ARV1: variants seen among roughly 807,000 people sequenced by gnomAD.
ARV1 encodes protein ARV1.
ARV1 carries 26 observed loss-of-function variants against 31.1 expected under a neutral mutation model. The ratio of observed to expected loss-of-function variants is 0.84; its 90% CI spans 0.61 to 1.16. ARV1 has a LOEUF of 1.16. Among genes scored for constraint, ARV1 ranks in the 50% most tolerant of loss-of-function variants. ARV1 has a pLI of 0.00. For missense variants in ARV1, 281 were observed against 324.9 expected, an observed-to-expected ratio of 0.86 and a Z score of 1.04; for synonymous variants, 117 against 123.2, an observed-to-expected ratio of 0.95 and a Z score of 0.34.
At chr1:230,991,658 G>A (rs11122184) in intron 3 of ARV1, among the ~76,000 whole-genome samples, 14,319 of 146,370 alleles carry the variant, frequency 0.098, 718 homozygotes, top group Middle Eastern at 0.21. Context: ...TTGAGACGGA[G>A]TCTCACTCTG....
intron 5 of ARV1, among the ~76,000 whole-genome samples, chr1:230,999,115 G>GT (rs1679456057): frequency 1.3e-5 from 2 of 152,032 alleles, no homozygotes; most frequent in Admixed American, 6.6e-5. Flanking sequence ...CACTGTGCAC[G>GT]TAACTGTGTA....
chr1:230,988,574 T>G, intron 2 of ARV1, 135 bp downstream of exon 2: 1 of 687,866 alleles, frequency 1.5e-6, no homozygotes, highest in Non-Finnish European at 2.2e-6. Context: ...GGGTCTTTTA[T>G]TGCAACATAT....
chr1:230,985,034 C>T (rs893530633), intron 1 of ARV1, among the ~76,000 whole-genome samples: 3 of 152,092 alleles, frequency 2.0e-5, no homozygotes, highest in Non-Finnish European at 2.9e-5. Flanking sequence ...GGAGTTTGTC[C>T]GGCCTTCCCA....
chr1:230,984,562 A>G (rs1239800492), intron 1 of ARV1, among the ~76,000 whole-genome samples: 1 of 152,176 alleles, frequency 6.6e-6, no homozygotes, highest in East Asian at 1.9e-4. Flanking sequence ...ACGAATTAAG[A>G]GTCCTTTATT....
chr1:230,983,504 A>G (rs1176060539), intron 1 of ARV1, among the ~76,000 whole-genome samples: 1 of 152,176 alleles, frequency 6.6e-6, no homozygotes, highest in Admixed American at 6.5e-5. Flanking sequence ...TTATGTTAAC[A>G]AAACAAAACT....
At chr1:230,989,280 G>A (rs1442184551) in intron 2 of ARV1, among the ~76,000 whole-genome samples, 1 of 152,110 alleles carries the variant, frequency 6.6e-6, no homozygotes, top group East Asian at 1.9e-4. Context: ...TGGGATTACA[G>A]GCACGCATCA....
At position 230,986,668 on chromosome 1, in the gene ARV1, A is replaced by ATTTTTTTTTTTTTTTTTTTTTT. The variant is rs1162209283; in HGVS notation, c.175-1635_175-1614dup. The stretch of plus-strand genomic sequence containing the variant: ...CACCCACAAATGTAATACTTTTCCT[A>ATTTTTTTTTTTTTTTTTTTTTT]TTTTTTTTTTTTTTTTTTTTTTTTT... On this transcript the variant is annotated intron_variant, in intron 1 of 5. Transcript: ENST00000310256. Among the ~76,000 whole-genome samples the ATTTTTTTTTTTTTTTTTTTTTT allele has an allele frequency of 2.9e-4, 18 of 62,352 alleles. 1 individual carries two copies. The highest frequency in any genetic ancestry group is 4.7e-4 in the Non-Finnish European group (15 of 32,224). 40.9% of individuals were successfully genotyped at this position (62,352 alleles called of 152,430 possible). A position where few individuals can be genotyped will look rare whatever the true frequency, so the allele number is the denominator to read the frequency against.
In ARV1 at chr1:230,995,801, G is replaced by T. The variant is rs768310144; in HGVS notation, c.490G>T (p.Val164Leu). The change falls in exon 4 of 6, where the codon GTA becomes TTA. Residue 164 changes from valine (V) to leucine (L), a missense_variant. Physicochemically the swap from Val to Leu is conservative, Grantham distance 32. Coordinates refer to ENST00000310256, the MANE Select transcript of ARV1 (RefSeq NM_022786.3). ...YFIGIFTFLW[V>L]ERPMTAKKKP... is the part of the protein sequence containing the mutation. Reference sequence around the variant, plus strand: ...TATTGGCATTTTTACCTTCCTGTGGGTAGAACGGCCCATGACGGCAAAAAA... The same window carrying T: ...TATTGGCATTTTTACCTTCCTGTGGTTAGAACGGCCCATGACGGCAAAAAA... The T allele has an allele frequency of 2.5e-6, 4 of 1,613,822 alleles. No homozygotes were observed. Among genetic ancestry groups the T allele is most frequent in the Non-Finnish European group, 3.4e-6 (4 of 1,179,962 alleles).
chr1:230,979,099 A>C lies in ARV1; in HGVS notation c.-7A>C. 1 of 1,606,206 alleles carries C rather than the reference A, an allele frequency of 6.2e-7. No individual in the cohort carries two copies. Among genetic ancestry groups the C allele is most frequent in the Non-Finnish European group, 8.5e-7 (1 of 1,176,930 alleles). On this transcript the variant is annotated 5_prime_UTR_variant, in exon 1 of 6. Coordinates refer to ENST00000310256, the MANE Select transcript of ARV1 (RefSeq NM_022786.3). The stretch of plus-strand genomic sequence containing the variant: ...AATCGGAAGTTCTGGACTGCAGTTG[A>C]GTGGAAATGGGCAACGGCGGGCGGA...
chr1:230,979,454 C>T (rs940585283), intron 1 of ARV1, 175 bp downstream of exon 1: 6 of 726,248 alleles, frequency 8.3e-6, no homozygotes, highest in Non-Finnish European at 1.3e-5. Flanking sequence ...CAGCGCTTTT[C>T]TCATACTGGG....
At chr1:230,986,913 C>T (rs1679098501) in intron 1 of ARV1, among the ~76,000 whole-genome samples, 1 of 152,088 alleles carries the variant, frequency 6.6e-6, no homozygotes, top group Non-Finnish European at 1.5e-5. Context: ...GCAAAACTAG[C>T]ACAATTTCTT....
intron 1 of ARV1, among the ~76,000 whole-genome samples, chr1:230,987,233 T>G (rs1679108693): frequency 6.6e-6 from 1 of 152,140 alleles, no homozygotes; most frequent in Non-Finnish European, 1.5e-5. Flanking sequence ...AAAGGGATGA[T>G]TCACATCCCG....
chr1:230,980,497 G>A (rs947652078), intron 1 of ARV1, among the ~76,000 whole-genome samples: 7 of 151,642 alleles, frequency 4.6e-5, no homozygotes, highest in Non-Finnish European at 8.8e-5. Flanking sequence ...CCACCACGCC[G>A]GGCTAATTTT....
rs779143713 is a variant in ARV1 at position 230,990,197 on chromosome 1, C to A, written c.382C>A (p.Pro128Thr). Residue 128 changes from proline to threonine, a missense_variant, in exon 3 of 6, where the codon CCT becomes ACT. Transcript: ENST00000310256. ...TCAAGATTCCAACCAGAATACTGCC[C>A]CTGATGACTTGATCAGATATGCTAA... ...QLQDSNQNTA[P>T]DDLIRYAKEW... 6.2e-7 allele frequency: 1 copy of A among 1,612,978 alleles called. No individual in the cohort carries two copies. Among genetic ancestry groups the A allele is most frequent in the Non-Finnish European group, 8.5e-7 (1 of 1,179,784 alleles).
intron 2 of ARV1, among the ~76,000 whole-genome samples, chr1:230,989,610 T>A (rs762213765): frequency 1.3e-5 from 2 of 152,222 alleles, no homozygotes; most frequent in African/African-American, 4.8e-5. Context: ...GCTGGAGATA[T>A]TTTTAAAAAA....
chr1:230,980,500 C>T (rs1678851605), intron 1 of ARV1, among the ~76,000 whole-genome samples: 1 of 151,996 alleles, frequency 6.6e-6, no homozygotes. Flanking sequence ...CCACGCCGGG[C>T]TAATTTTTGT....
chr1:230,995,939 C>CTCATTAAAGTATT lies in ARV1; in HGVS notation c.630_642dup (p.Val215HisfsTer2). 1 of 1,614,060 alleles carries CTCATTAAAGTATT rather than the reference C, an allele frequency of 6.2e-7. No individual in the cohort carries two copies. Among genetic ancestry groups the CTCATTAAAGTATT allele is most frequent in the South Asian group, 1.1e-5 (1 of 91,070 alleles). On this transcript the variant is annotated frameshift_variant, in exon 4 of 6. Transcript: ENST00000310256. LOFTEE classifies it high-confidence loss of function. ...TGACTACACATCTGTGTGCCTCAAA[C>CTCATTAAAGTATT]TCATTAAAGTATTTGTTCTTACATC...
chr1:230,997,082 C>A, intron 4 of ARV1, 39 bp from the exon 5 acceptor site: 1 of 1,598,942 alleles, frequency 6.3e-7, no homozygotes, highest in Non-Finnish European at 8.5e-7. Context: ...AATATCGTTT[C>A]ATTAATTCTG....
chr1:230,993,003 A>G (rs1679267138), intron 3 of ARV1, among the ~76,000 whole-genome samples: 1 of 152,260 alleles, frequency 6.6e-6, no homozygotes, highest in African/African-American at 2.4e-5. Context: ...AATACTACTG[A>G]AAACATCCTT....
Sources: allele counts gnomAD v4.1 joint callset (sites outside exome capture counted in the v4.1 genomes callset), GRCh38; gene constraint gnomAD v4.1.1; transcripts MANE v1.5; gene names NCBI Gene and HGNC (gene_info 2026-07-23, HGNC 2026-07-21).